Variants in NKAIN3 observed in about 807,000 individuals in gnomAD.
The protein encoded by NKAIN3 is sodium/potassium transporting ATPase interacting 3.
A neutral mutation model predicts 30.2 loss-of-function variants in NKAIN3; 25 were observed. The observed-to-expected ratio is 0.83, with a 90% CI of 0.60 to 1.16. The LOEUF is 1.16. NKAIN3 is among the 50% of genes most tolerant of loss of function. The pLI is 0.00. For synonymous variants in NKAIN3, 91 were observed against 89.6 expected (o/e 1.02, Z -0.09); for missense variants, 225 against 254.1 (o/e 0.89, Z 0.78).
At chr8:62,360,412 T>G (rs1816518179) in intron 1 of NKAIN3, among the ~76,000 whole-genome samples, 1 of 152,190 alleles carries the variant, frequency 6.6e-6, no homozygotes, top group Non-Finnish European at 1.5e-5. Context: ...ATAAATCTCA[T>G]GGTGATTCTG....
At chr8:62,995,608 A>G (rs1392240989) in intron 5 of NKAIN3, among the ~76,000 whole-genome samples, 1 of 152,200 alleles carries the variant, frequency 6.6e-6, no homozygotes, top group Non-Finnish European at 1.5e-5. Context: ...AAGATGGAGG[A>G]AATGGTAAAC....
intron 1 of NKAIN3, among the ~76,000 whole-genome samples, chr8:62,547,635 A>G (rs1809060094): frequency 6.6e-6 from 1 of 152,174 alleles, no homozygotes; most frequent in Non-Finnish European, 1.5e-5. Flanking sequence ...ACTATTTAAA[A>G]TGGCTTCTGC....
chr8:62,675,949 C>T (rs1230293712), intron 3 of NKAIN3, among the ~76,000 whole-genome samples: 2 of 152,196 alleles, frequency 1.3e-5, no homozygotes, highest in African/African-American at 4.8e-5. Context: ...TACCCACCCA[C>T]AAACAATACA....
chr8:62,861,811 C>T (rs1458802899), intron 4 of NKAIN3, among the ~76,000 whole-genome samples: 2 of 152,178 alleles, frequency 1.3e-5, no homozygotes, highest in African/African-American at 4.8e-5. Context: ...AGCAAGGATG[C>T]ACATCTGTGC....
At chr8:62,347,263 A>G (rs1816033487) in intron 1 of NKAIN3, among the ~76,000 whole-genome samples, 2 of 152,176 alleles carry the variant, frequency 1.3e-5, no homozygotes, top group African/African-American at 4.8e-5. Flanking sequence ...TATTCTATCC[A>G]AAGAGAACAA....
At chr8:62,506,095 CAT>C (rs1285715732) in intron 1 of NKAIN3, among the ~76,000 whole-genome samples, 2 of 151,848 alleles carry the variant, frequency 1.3e-5, no homozygotes, top group East Asian at 1.9e-4. Context: ...TTAAAGGACT[CAT>C]GTGATTATAT....
chr8:62,873,932 G>A (rs1295028374), intron 4 of NKAIN3, among the ~76,000 whole-genome samples: 1 of 151,530 alleles, frequency 6.6e-6, no homozygotes, highest in Non-Finnish European at 1.5e-5. Flanking sequence ...GAGCTAGCAA[G>A]GCAAGAACAA....
intron 1 of NKAIN3, among the ~76,000 whole-genome samples, chr8:62,507,036 A>G (rs1270328771): frequency 6.6e-6 from 1 of 152,198 alleles, no homozygotes; most frequent in Non-Finnish European, 1.5e-5. Context: ...GTTTATTGCT[A>G]ATGTAAAATG....
intron 1 of NKAIN3, among the ~76,000 whole-genome samples, chr8:62,287,773 A>G (rs951867991): frequency 1.3e-5 from 2 of 152,124 alleles, no homozygotes; most frequent in African/African-American, 4.8e-5. Flanking sequence ...CATTCTTAAC[A>G]TGGTCCTTCC....
chr8:62,258,707 A>G (rs549463481), intron 1 of NKAIN3, among the ~76,000 whole-genome samples: 1 of 152,258 alleles, frequency 6.6e-6, no homozygotes, highest in African/African-American at 2.4e-5. Flanking sequence ...CACTTAATAC[A>G]AATCATTCGT....
intron 1 of NKAIN3, among the ~76,000 whole-genome samples, chr8:62,519,803 G>A (rs561269486): frequency 6.6e-6 from 1 of 152,024 alleles, no homozygotes; most frequent in Non-Finnish European, 1.5e-5. Context: ...TCAGATTGCC[G>A]GGGCATCTTA....
At chr8:62,336,038 G>A (rs545570768) in intron 1 of NKAIN3, among the ~76,000 whole-genome samples, 86 of 152,096 alleles carry the variant, frequency 5.7e-4, no homozygotes, top group African/African-American at 1.9e-3. Context: ...TTTCTGAGAG[G>A]TCAACAAAGG....
intron 1 of NKAIN3, among the ~76,000 whole-genome samples, chr8:62,435,521 A>G (rs910144997): frequency 6.6e-6 from 1 of 152,158 alleles, no homozygotes; most frequent in Admixed American, 6.6e-5. Flanking sequence ...TCAAAATTCA[A>G]TCCTTTGCCA....
At chr8:62,961,105 C>G (rs544593873) in intron 6 of NKAIN3, among the ~76,000 whole-genome samples, 24 of 152,160 alleles carry the variant, frequency 1.6e-4, no homozygotes, top group Middle Eastern at 3.4e-3. Flanking sequence ...CATGATGAAG[C>G]CTTGTCTCCA....
At chr8:62,930,766 C>T (rs143919716) in intron 5 of NKAIN3, among the ~76,000 whole-genome samples, 282 of 151,280 alleles carry the variant, frequency 1.9e-3, no homozygotes, top group Non-Finnish European at 2.5e-3. Context: ...TGCAGTGGCG[C>T]GATCTCGGCT....
intron 1 of NKAIN3, among the ~76,000 whole-genome samples, chr8:62,413,685 T>C (rs1481598401): frequency 6.6e-6 from 1 of 152,140 alleles, no homozygotes; most frequent in Non-Finnish European, 1.5e-5. Flanking sequence ...AAGCTTATTT[T>C]CTTCATAAAG....
intron 1 of NKAIN3, among the ~76,000 whole-genome samples, chr8:62,570,096 C>T (rs906992543): frequency 6.6e-6 from 1 of 152,200 alleles, no homozygotes; most frequent in Non-Finnish European, 1.5e-5. Context: ...TGGAAAAATC[C>T]AAGTGGAATG....
At chr8:62,615,931 T>C (rs1422978518) in intron 3 of NKAIN3, among the ~76,000 whole-genome samples, 3 of 152,160 alleles carry the variant, frequency 2.0e-5, no homozygotes, top group Non-Finnish European at 4.4e-5. Context: ...AGCCAGGTGC[T>C]ATGATTGCTC....
chr8:62,922,597 T>A (rs35331574), intron 5 of NKAIN3, among the ~76,000 whole-genome samples: 32,169 of 152,076 alleles, frequency 0.21, 4,093 homozygotes, highest in South Asian at 0.31. Context: ...CATTTGAAGG[T>A]GAGAGCAGAG....
Sources: allele counts gnomAD v4.1 joint callset (sites outside exome capture counted in the v4.1 genomes callset), GRCh38; gene constraint gnomAD v4.1.1; transcripts MANE v1.5; gene names NCBI Gene and HGNC (gene_info 2026-07-23, HGNC 2026-07-21).